ZNF362: variants seen among roughly 807,000 people sequenced by gnomAD.
The protein encoded by ZNF362 is rotund homolog.
In ZNF362, 11 loss-of-function variants were observed where a neutral mutation model predicts 42.9. That is an observed-to-expected ratio of 0.26 (90% CI 0.16 to 0.42). The LOEUF (loss-of-function observed/expected upper bound fraction) is 0.42. ZNF362 is among the 20% of genes least tolerant of loss of function. ZNF362 has a pLI of 1.00. For synonymous variants in ZNF362, 255 were observed against 257.3 expected, an observed-to-expected ratio of 0.99 and a Z score of 0.09; for missense variants, 362 against 576.2, an observed-to-expected ratio of 0.63 and a Z score of 3.81.
At chr1:33,255,583 GGGA>G (rs1297699384), upstream of ZNF362, among the ~76,000 whole-genome samples, 14 of 152,282 alleles carry the variant, frequency 9.2e-5, no homozygotes, top group Admixed American at 9.1e-4. Flanking sequence ...AGGGTGAGGC[GGGA>G]GGAGGAGTCA....
chr1:33,153,550 G>A, the ZNF362 span, among the ~76,000 whole-genome samples: 2 of 152,216 alleles, frequency 1.3e-5, no homozygotes, highest in Non-Finnish European at 2.9e-5. Flanking sequence ...ACAGAGCGGG[G>A]CCCTGCAACA....
the ZNF362 span, among the ~76,000 whole-genome samples, chr1:33,143,579 C>T: frequency 5.3e-5 from 8 of 152,190 alleles, no homozygotes; most frequent in Non-Finnish European, 1.0e-4. Flanking sequence ...CTCCCATCCT[C>T]GTTCTCATTC....
At chr1:33,208,773 G>T in the ZNF362 span, among the ~76,000 whole-genome samples, 484 of 152,142 alleles carry the variant, frequency 3.2e-3, 18 homozygotes, top group East Asian at 0.083. Context: ...CATTGATTTT[G>T]TATCCTGAGA....
chr1:33,181,270 G>A, the ZNF362 span: 7 of 1,547,108 alleles, frequency 4.5e-6, no homozygotes, highest in Non-Finnish European at 6.1e-6. The surrounding 1 kb of genome is among the most constrained non-coding windows in gnomAD (Gnocchi z 6.5). Flanking sequence ...GCGAACGTGC[G>A]CCGGCACTCG....
the ZNF362 span, among the ~76,000 whole-genome samples, chr1:33,245,660 A>C: frequency 6.6e-6 from 1 of 152,246 alleles, no homozygotes; most frequent in East Asian, 1.9e-4. Flanking sequence ...GAAGGAAGCC[A>C]GATGCAGTAG....
the ZNF362 span, among the ~76,000 whole-genome samples, chr1:33,138,034 T>G: frequency 6.6e-6 from 1 of 152,248 alleles, no homozygotes; most frequent in Non-Finnish European, 1.5e-5. Flanking sequence ...GCAGGGGGAC[T>G]GCATAACCAT....
At chr1:33,239,759 T>C in the ZNF362 span, among the ~76,000 whole-genome samples, 1 of 152,100 alleles carries the variant, frequency 6.6e-6, no homozygotes, top group Non-Finnish European at 1.5e-5. Flanking sequence ...ACGTGGAGAT[T>C]ACAGGGATTA....
At chr1:33,243,451 G>T in the ZNF362 span, among the ~76,000 whole-genome samples, 1 of 151,946 alleles carries the variant, frequency 6.6e-6, no homozygotes, top group South Asian at 2.1e-4. Context: ...CTCCCAAAGT[G>T]CTGGAATTAC....
At chr1:33,271,575 A>G (rs999173321) in intron 2 of ZNF362, among the ~76,000 whole-genome samples, 9 of 152,236 alleles carry the variant, frequency 5.9e-5, no homozygotes, top group Non-Finnish European at 1.3e-4. Flanking sequence ...GCTGTTCCAC[A>G]GTCCTGGTGA....
the ZNF362 span, among the ~76,000 whole-genome samples, chr1:33,144,604 T>C: frequency 4.6e-3 from 696 of 152,360 alleles, 12 homozygotes; most frequent in African/African-American, 0.016. Flanking sequence ...CAGTAAGACT[T>C]CTAAGTAAAG....
At chr1:33,133,292 C>T in the ZNF362 span, among the ~76,000 whole-genome samples, 1,003 of 152,346 alleles carry the variant, frequency 6.6e-3, 12 homozygotes, top group African/African-American at 0.023. Flanking sequence ...TTGTCCCTGT[C>T]GCCTCAAGAG....
the ZNF362 span, among the ~76,000 whole-genome samples, chr1:33,187,940 A>C: frequency 6.6e-6 from 1 of 152,152 alleles, no homozygotes; most frequent in African/African-American, 2.4e-5. Flanking sequence ...AAGTATAGAA[A>C]TACATGTAAG....
chr1:33,298,804 CTG>C (rs1646143368), intron 8 of ZNF362, 124 bp from the exon 9 acceptor site: 3 of 758,608 alleles, frequency 4.0e-6, no homozygotes, highest in Middle Eastern at 2.4e-4. Context: ...CCCTGCAAAA[CTG>C]TGGCTGTCCT....
At chr1:33,234,008 G>C in the ZNF362 span, among the ~76,000 whole-genome samples, 1 of 152,192 alleles carries the variant, frequency 6.6e-6, no homozygotes, top group Non-Finnish European at 1.5e-5. Flanking sequence ...CTGACACATA[G>C]GAAGTACTCA....
chr1:33,187,005 C>G, the ZNF362 span, among the ~76,000 whole-genome samples: 1 of 151,710 alleles, frequency 6.6e-6, no homozygotes, highest in Non-Finnish European at 1.5e-5. Context: ...GAAGGGAAGG[C>G]AGCCCCATAA....
chr1:33,233,787 G>A, the ZNF362 span, among the ~76,000 whole-genome samples: 1 of 152,170 alleles, frequency 6.6e-6, no homozygotes, highest in African/African-American at 2.4e-5. Context: ...GCAGGGTAGT[G>A]CAGTGCCGTG....
chr1:33,148,026 A>T, the ZNF362 span, among the ~76,000 whole-genome samples: 1 of 152,164 alleles, frequency 6.6e-6, no homozygotes, highest in Admixed American at 6.5e-5. Flanking sequence ...TTGTTGAATT[A>T]ACCAGAATGA....
At chr1:33,164,353 A>C in the ZNF362 span, 1 of 152,266 alleles carries the variant, frequency 6.6e-6, no homozygotes, top group Non-Finnish European at 1.5e-5. Context: ...GCTCCTGCTG[A>C]CAGAGCGGGG....
At chr1:33,196,472 T>C in the ZNF362 span, among the ~76,000 whole-genome samples, 1 of 152,170 alleles carries the variant, frequency 6.6e-6, no homozygotes, top group Non-Finnish European at 1.5e-5. Context: ...ATCATTGATA[T>C]CACTGTCTTC....
Sources: gnomAD v4.1 joint callset for allele counts (sites outside exome capture counted in the v4.1 genomes callset) on GRCh38, gnomAD v4.1.1 for gene constraint, Gnocchi (gnomAD v3.1) non-coding constraint, MANE v1.5 for transcripts, NCBI Gene and HGNC (gene_info 2026-07-23, HGNC 2026-07-21) for gene names.